Variants in PATJ observed in about 807,000 individuals in gnomAD.
PATJ encodes the protein PATJ crumbs cell polarity complex component.
In PATJ, 190 loss-of-function variants were observed where a neutral mutation model predicts 224.9. That is an observed-to-expected ratio of 0.84 (90% confidence interval 0.75 to 0.95). PATJ has a LOEUF of 0.95. Among genes scored for constraint, PATJ ranks in the 40% least tolerant of loss-of-function variants. PATJ has a pLI of 0.00. For synonymous variants in PATJ, 769 were observed against 820.3 expected, an observed-to-expected ratio of 0.94 and a Z score of 1.07; for missense variants, 2,121 against 2,270.3, an observed-to-expected ratio of 0.93 and a Z score of 1.34.
chr1:62,120,247 G>A (rs1285662049), intron 37 of PATJ, among the ~76,000 whole-genome samples: 3 of 152,034 alleles, frequency 2.0e-5, no homozygotes, highest in Non-Finnish European at 2.9e-5. Context: ...GTGAAATCTA[G>A]GTGCTATTTA....
chr1:61,914,622 C>T lies in PATJ; in HGVS notation c.3528C>T (p.Ile1176=). 1 of 1,581,616 alleles carries T rather than the reference C, an allele frequency of 6.3e-7. No individual in the cohort carries two copies. Among genetic ancestry groups the T allele is most frequent in the Non-Finnish European group, 8.7e-7 (1 of 1,151,864 alleles). The change falls in exon 26 of 44, where the codon ATC becomes ATT. Residue 1176 remains isoleucine (I), a synonymous_variant. Transcript: ENST00000642238. ...IPNVHNKANK[I]TGNQNQDTQE... ...ACGTACATAACAAGGCCAACAAAATCACCGGTAACCAGAACCAGGACACCC... is the reference window on the plus strand; with the variant it reads ...ACGTACATAACAAGGCCAACAAAATTACCGGTAACCAGAACCAGGACACCC...
At chr1:61,841,064 AT>A (rs1244649588) in intron 17 of PATJ, among the ~76,000 whole-genome samples, 1 of 152,128 alleles carries the variant, frequency 6.6e-6, no homozygotes, top group African/African-American at 2.4e-5. Context: ...TATGGCGGTA[AT>A]TAATTTATTG....
At chr1:62,081,767 A>G (rs989781690) in intron 32 of PATJ, among the ~76,000 whole-genome samples, 15 of 152,112 alleles carry the variant, frequency 9.9e-5, no homozygotes, top group African/African-American at 3.6e-4. Context: ...GGGTTTCACC[A>G]TGTTGGTCAG....
chr1:61,811,952 T>G (rs1654854777), intron 14 of PATJ, among the ~76,000 whole-genome samples: 1 of 151,320 alleles, frequency 6.6e-6, no homozygotes. Context: ...TCCCAGCTAC[T>G]CGGGAGGCTG....
At chr1:61,802,549 G>A (rs1652755786) in intron 12 of PATJ, among the ~76,000 whole-genome samples, 1 of 152,138 alleles carries the variant, frequency 6.6e-6, no homozygotes, top group Non-Finnish European at 1.5e-5. Context: ...AAAGTGCTGA[G>A]ATTATAGGCG....
chr1:61,821,320 A>G (rs922249449), intron 14 of PATJ, among the ~76,000 whole-genome samples: 20 of 152,242 alleles, frequency 1.3e-4, no homozygotes, highest in African/African-American at 4.1e-4. Flanking sequence ...TTGGGATTAC[A>G]GGCGTGAGCT....
Position 61,787,886 on chromosome 1 carries a change from C to A in PATJ, c.982C>A (p.Pro328Thr). 1 of 1,614,162 alleles carries A rather than the reference C, an allele frequency of 6.2e-7. No homozygotes were observed. Among genetic ancestry groups the A allele is most frequent in the Non-Finnish European group, 8.5e-7 (1 of 1,180,030 alleles). The change falls in exon 8 of 44, where the codon CCA becomes ACA. Residue 328 changes from proline (P) to threonine (T), a missense_variant. Pro to Thr is a conservative substitution (Grantham distance 38, BLOSUM62 -1). Coordinates refer to ENST00000642238, the MANE Select transcript of PATJ (RefSeq NM_001350145.3). ...AGTCAGGATGCTCGTTGCTAGAGAT[C>A]CAGCTGGTGACATTTCAGTCACCCC... ...NSVRMLVARD[P>T]AGDISVTPPA...
At chr1:61,821,155 C>T (rs1286150611) in intron 14 of PATJ, among the ~76,000 whole-genome samples, 2 of 152,070 alleles carry the variant, frequency 1.3e-5, no homozygotes, top group Non-Finnish European at 2.9e-5. Flanking sequence ...TGCCATTCTC[C>T]TGCCTCAGCC....
intron 24 of PATJ, among the ~76,000 whole-genome samples, chr1:61,902,230 A>G (rs1671282043): frequency 6.6e-6 from 1 of 151,822 alleles, no homozygotes; most frequent in African/African-American, 2.4e-5. Flanking sequence ...AAGCAGGAAA[A>G]AAAAAAAAAG....
intron 9 of PATJ, among the ~76,000 whole-genome samples, chr1:61,793,010 G>C (rs1167705056): frequency 6.6e-6 from 1 of 152,186 alleles, no homozygotes; most frequent in African/African-American, 2.4e-5. Context: ...ATGAATAAGA[G>C]AAGTCTGTTC....
At chr1:61,813,370 TATATATATACACAC>T (rs1442891562) in intron 14 of PATJ, among the ~76,000 whole-genome samples, 36 of 44,566 alleles carry the variant, frequency 8.1e-4, no homozygotes, top group African/African-American at 1.7e-3. Context: ...TATATATATA[TATATATATACACAC>T]ACACACACAC....
intron 33 of PATJ, among the ~76,000 whole-genome samples, chr1:62,107,787 T>C (rs1000699866): frequency 1.3e-5 from 2 of 152,214 alleles, no homozygotes; most frequent in African/African-American, 2.4e-5. Context: ...TCATTAACTA[T>C]GAAACACTTT....
chr1:62,039,349 T>G (rs566696489), intron 30 of PATJ, among the ~76,000 whole-genome samples: 56 of 152,310 alleles, frequency 3.7e-4, no homozygotes, highest in Middle Eastern at 3.4e-3. Context: ...GTATAGAATT[T>G]TGCTATATCC....
intron 27 of PATJ, among the ~76,000 whole-genome samples, chr1:61,954,061 T>C (rs1442077989): frequency 6.6e-6 from 1 of 152,240 alleles, no homozygotes; most frequent in Non-Finnish European, 1.5e-5. Context: ...TCAAAGTGTC[T>C]CATAAATGGA....
chr1:61,797,394 A>G lies in PATJ; in HGVS notation c.1368A>G (p.Ser456=). Reference sequence around the variant, plus strand: ...CCCTAGTTCGAAGGAAGACATCCTCATCTACTTCTCCACTTGAACCACCTT... The same window carrying G: ...CCCTAGTTCGAAGGAAGACATCCTCGTCTACTTCTCCACTTGAACCACCTT... The part of the protein sequence containing the change: ...HLTLVRRKTS[S]STSPLEPPSD... Residue 456 remains serine (S), a synonymous_variant, in exon 11 of 44, where the codon TCA becomes TCG. Transcript: ENST00000642238. The G allele has an allele frequency of 6.2e-7, 1 of 1,613,846 alleles. No homozygotes were observed. Among genetic ancestry groups the G allele is most frequent in the Non-Finnish European group, 8.5e-7 (1 of 1,179,766 alleles).
At position 61,927,723 on chromosome 1, in the gene PATJ, T is replaced by G; in HGVS notation, c.3571-7T>G. The G allele has an allele frequency of 6.2e-7, 1 of 1,601,402 alleles. No homozygotes were observed. Among genetic ancestry groups the G allele is most frequent in the Non-Finnish European group, 8.5e-7 (1 of 1,172,316 alleles). On this transcript the variant is annotated splice_region_variant and splice_polypyrimidine_tract_variant and intron_variant, in intron 26 of 43. Transcript: ENST00000642238. The stretch of plus-strand genomic sequence containing the variant: ...TTTAACCCTTCTCTCAAATTTTGCA[T>G]CTTCAGAGGCAAGGAACTGCTCCAC...
intron 42 of PATJ, 74 bp downstream of exon 42, chr1:62,148,464 T>C: frequency 1.9e-6 from 2 of 1,073,388 alleles, no homozygotes; most frequent in South Asian, 1.3e-5. Flanking sequence ...GACACTCAAG[T>C]GCACTCTAAA....
intron 27 of PATJ, among the ~76,000 whole-genome samples, chr1:61,955,903 A>G (rs998410941): frequency 6.6e-6 from 1 of 152,212 alleles, no homozygotes; most frequent in Non-Finnish European, 1.5e-5. Flanking sequence ...CATGTTGTAC[A>G]TCCACTCATT....
chr1:61,922,287 T>C (rs1033548414), intron 26 of PATJ, among the ~76,000 whole-genome samples: 6 of 152,122 alleles, frequency 3.9e-5, no homozygotes, highest in African/African-American at 1.4e-4. Context: ...TCAGGCGATC[T>C]GCCCGCCTCA....
Sources: gnomAD v4.1 joint callset for allele counts (sites outside exome capture counted in the v4.1 genomes callset) on GRCh38, gnomAD v4.1.1 for gene constraint, MANE v1.5 for transcripts, NCBI Gene and HGNC (gene_info 2026-07-23, HGNC 2026-07-21) for gene names.